Variants in HACD2 observed in about 807,000 individuals in gnomAD.
HACD2 encodes 3-hydroxyacyl-CoA dehydratase 2.
A neutral mutation model predicts 31.0 loss-of-function variants in HACD2; 15 were observed. The observed-to-expected ratio is 0.48, with a 90% CI of 0.32 to 0.75. The LOEUF is 0.75. HACD2 is among the 30% of genes least tolerant of loss of function. The pLI is 0.03. For missense variants in HACD2, 283 were observed against 313.0 expected, an observed-to-expected ratio of 0.90 and a Z score of 0.72; for synonymous variants, 115 against 122.2, an observed-to-expected ratio of 0.94 and a Z score of 0.39.
At chr3:123,540,007 G>A (rs567030695) in intron 3 of HACD2, among the ~76,000 whole-genome samples, 1 of 143,776 alleles carries the variant, frequency 7.0e-6, no homozygotes, top group South Asian at 2.3e-4. Flanking sequence ...GGATCACTGA[G>A]CCTGAGTCTG....
chr3:123,566,158 C>T (rs1420106314), intron 3 of HACD2, among the ~76,000 whole-genome samples: 1 of 152,204 alleles, frequency 6.6e-6, no homozygotes, highest in Non-Finnish European at 1.5e-5. Context: ...TCTCCCTACA[C>T]GCCCCTCCAA....
At chr3:123,552,199 C>T (rs1032925553) in intron 3 of HACD2, among the ~76,000 whole-genome samples, 3 of 152,136 alleles carry the variant, frequency 2.0e-5, no homozygotes, top group Non-Finnish European at 2.9e-5. Flanking sequence ...GAGCACTAAC[C>T]ACAGGGAAGA....
chr3:123,565,847 T>A (rs1261536007), intron 3 of HACD2, among the ~76,000 whole-genome samples: 1 of 152,210 alleles, frequency 6.6e-6, no homozygotes, highest in Non-Finnish European at 1.5e-5. Flanking sequence ...ATAAAATTTT[T>A]CATTTCAAAA....
At chr3:123,558,921 A>G (rs1010403367) in intron 3 of HACD2, among the ~76,000 whole-genome samples, 1 of 152,232 alleles carries the variant, frequency 6.6e-6, no homozygotes, top group African/African-American at 2.4e-5. Flanking sequence ...CCATCGCACC[A>G]AAGAACTGCT....
At chr3:123,548,085 G>A (rs1181938228) in intron 3 of HACD2, among the ~76,000 whole-genome samples, 1 of 152,042 alleles carries the variant, frequency 6.6e-6, no homozygotes, top group Non-Finnish European at 1.5e-5. Context: ...AGCCTGTGGT[G>A]GGTGGTGCTA....
At chr3:123,501,372 C>G (rs1255146706) in intron 5 of HACD2, among the ~76,000 whole-genome samples, 2 of 152,202 alleles carry the variant, frequency 1.3e-5, no homozygotes, top group Admixed American at 6.5e-5. Context: ...ACAAAGAATT[C>G]AGAGAGCAGT....
chr3:123,559,659 G>A (rs1231859098), intron 3 of HACD2, among the ~76,000 whole-genome samples: 5 of 152,158 alleles, frequency 3.3e-5, no homozygotes, highest in Non-Finnish European at 7.3e-5. Flanking sequence ...GATTTCTGAC[G>A]GACTGGACAG....
rs533198457 is a variant in HACD2, at chr3:123,528,086, A to G, written c.381+300T>C. On this transcript the variant is annotated intron_variant, in intron 4 of 6. Transcript: ENST00000383657. The stretch of plus-strand genomic sequence containing the variant: ...GCGGCCTGGGCAACATGATACGAAC[A>G]AGATATCAGAAAAATATAACTGAGT... Among the ~76,000 whole-genome samples, 3 of 152,342 alleles carry G rather than the reference A, an allele frequency of 2.0e-5. No homozygotes were observed. In the South Asian group the frequency reaches 6.2e-4, roughly 32 times the overall value.
intron 4 of HACD2, among the ~76,000 whole-genome samples, chr3:123,509,405 G>A (rs1181435636): frequency 2.0e-5 from 3 of 151,432 alleles, no homozygotes; most frequent in Non-Finnish European, 4.4e-5. Context: ...AAGAAAAAAA[G>A]TAAAAACTAT....
intron 3 of HACD2, among the ~76,000 whole-genome samples, chr3:123,539,865 G>A (rs1177115494): frequency 7.7e-6 from 1 of 130,186 alleles, no homozygotes; most frequent in Non-Finnish European, 1.6e-5. Flanking sequence ...CTTGAGTTCA[G>A]GAGTTTGAGA....
intron 3 of HACD2, among the ~76,000 whole-genome samples, chr3:123,535,001 G>A (rs925422690): frequency 2.0e-5 from 3 of 152,074 alleles, no homozygotes; most frequent in Admixed American, 6.6e-5. Flanking sequence ...GTTACAATAA[G>A]CTAAGGTTAA....
At chr3:123,532,129 A>C (rs1265448251) in intron 3 of HACD2, among the ~76,000 whole-genome samples, 3 of 152,222 alleles carry the variant, frequency 2.0e-5, no homozygotes, top group Non-Finnish European at 2.9e-5. Context: ...CAGTAAATTT[A>C]AATCTTAATA....
chr3:123,567,540 A>G (rs1017869564), intron 3 of HACD2, among the ~76,000 whole-genome samples: 4 of 152,210 alleles, frequency 2.6e-5, no homozygotes, highest in African/African-American at 9.7e-5. Flanking sequence ...AATTAACAGA[A>G]CAAAATAGCT....
intron 3 of HACD2, among the ~76,000 whole-genome samples, chr3:123,555,990 T>C (rs2059097861): frequency 6.6e-6 from 1 of 152,108 alleles, no homozygotes; most frequent in Admixed American, 6.5e-5. Flanking sequence ...ACTGGATGAC[T>C]ATATGTAAAA....
chr3:123,498,639 TG>T (rs377595101), intron 6 of HACD2, among the ~76,000 whole-genome samples: 23 of 152,362 alleles, frequency 1.5e-4, no homozygotes, highest in African/African-American at 4.8e-4. Context: ...AGTTTCATCC[TG>T]AAACCATCCC....
chr3:123,526,517 TTTTC>T (rs1197803390), intron 4 of HACD2, among the ~76,000 whole-genome samples: 1 of 151,536 alleles, frequency 6.6e-6, no homozygotes, highest in African/African-American at 2.4e-5. Flanking sequence ...ATGATATGCC[TTTTC>T]TTTTTCTTTT....
intron 3 of HACD2, among the ~76,000 whole-genome samples, chr3:123,534,192 G>T (rs1240870307): frequency 1.3e-5 from 2 of 152,162 alleles, no homozygotes; most frequent in African/African-American, 4.8e-5. Flanking sequence ...GCAACCTTCA[G>T]ATGGGGCAGG....
At chr3:123,528,033 C>G (rs1202494298) in intron 4 of HACD2, among the ~76,000 whole-genome samples, 1 of 152,120 alleles carries the variant, frequency 6.6e-6, no homozygotes, top group African/African-American at 2.4e-5. Flanking sequence ...GTGAGGCAGG[C>G]AGATTGCTTG....
chr3:123,551,384 C>A (rs542322500), intron 3 of HACD2, among the ~76,000 whole-genome samples: 81 of 152,094 alleles, frequency 5.3e-4, no homozygotes, highest in African/African-American at 1.9e-3. Context: ...TTTGGGAGGC[C>A]AAGGTGGGTG....
Sources: allele counts gnomAD v4.1 joint callset (sites outside exome capture counted in the v4.1 genomes callset), GRCh38; gene constraint gnomAD v4.1.1; transcripts MANE v1.5; gene names NCBI Gene and HGNC (gene_info 2026-07-23, HGNC 2026-07-21).